Variants in GPM6A observed in about 807,000 individuals in gnomAD.
The protein encoded by GPM6A is neuronal membrane glycoprotein M6-a.
In GPM6A, 7 loss-of-function variants were observed where a neutral mutation model predicts 32.1. The ratio of observed to expected loss-of-function variants is 0.22; its 90% CI spans 0.12 to 0.41. GPM6A has a LOEUF of 0.41. Among genes scored for constraint, GPM6A ranks in the 10% least tolerant of loss-of-function variants. The pLI is 1.00. For synonymous variants in GPM6A, 130 were observed against 123.4 expected (o/e 1.05, Z -0.35); for missense variants, 235 against 347.2 (o/e 0.68, Z 2.57).
At chr4:175,985,496 C>G (rs892776418) in intron 1 of GPM6A, among the ~76,000 whole-genome samples, 1 of 152,128 alleles carries the variant, frequency 6.6e-6, no homozygotes, top group African/African-American at 2.4e-5. Flanking sequence ...TAGACAAGTG[C>G]ATTGTCTTGA....
chr4:175,944,764 G>T (rs1221629497), intron 1 of GPM6A, among the ~76,000 whole-genome samples: 2 of 152,140 alleles, frequency 1.3e-5, no homozygotes, highest in Non-Finnish European at 2.9e-5. Flanking sequence ...ACTCTTAGTG[G>T]CATGGACGAC....
rs533977073 is a variant in GPM6A at position 175,674,489 on chromosome 4, T to C, written c.231-653A>G. ...ACTCCTGGCCTATTCATTTGTTAAG[T>C]AGGGTAATTATCATATGATTTCTCT... is the stretch of plus-strand genomic sequence containing the variant. On this transcript the variant is annotated intron_variant, in intron 2 of 6. Coordinates refer to ENST00000393658, the MANE Select transcript of GPM6A (RefSeq NM_201591.3). Among the ~76,000 whole-genome samples, 5 of 152,294 alleles carry C rather than the reference T, an allele frequency of 3.3e-5. No individual in the cohort carries two copies. In the South Asian group the frequency reaches 6.2e-4, roughly 19 times the overall value.
intron 1 of GPM6A, among the ~76,000 whole-genome samples, chr4:175,892,545 T>C (rs184820115): frequency 1.5e-3 from 236 of 152,320 alleles, no homozygotes; most frequent in African/African-American, 5.4e-3. Flanking sequence ...CATTCCTTTA[T>C]TCAATAAATA....
chr4:175,663,990 C>G (rs943946708), intron 3 of GPM6A, among the ~76,000 whole-genome samples: 1 of 152,056 alleles, frequency 6.6e-6, no homozygotes, highest in African/African-American at 2.4e-5. Flanking sequence ...CCGTGCCCAG[C>G]CAAAATATAA....
intron 1 of GPM6A, among the ~76,000 whole-genome samples, chr4:175,741,194 C>T (rs1051434598): frequency 3.9e-5 from 6 of 152,002 alleles, no homozygotes; most frequent in South Asian, 2.1e-4. Flanking sequence ...AATTTAGAAA[C>T]ACAATACCAC....
chr4:175,915,077 C>T (rs1245063359), intron 1 of GPM6A, among the ~76,000 whole-genome samples: 1 of 151,930 alleles, frequency 6.6e-6, no homozygotes, highest in African/African-American at 2.4e-5. Context: ...GAGAAAAATA[C>T]ACAAAATAAA....
chr4:175,871,945 C>G (rs1736923286), intron 1 of GPM6A, among the ~76,000 whole-genome samples: 1 of 152,096 alleles, frequency 6.6e-6, no homozygotes, highest in Admixed American at 6.6e-5. Flanking sequence ...ATTTTTATCT[C>G]TGACATATGC....
intron 1 of GPM6A, among the ~76,000 whole-genome samples, chr4:175,807,896 G>A (rs930055390): frequency 1.3e-5 from 2 of 152,138 alleles, no homozygotes; most frequent in African/African-American, 2.4e-5. Context: ...TATTTACTAC[G>A]ATGTGACTTT....
At chr4:175,899,299 C>T (rs1452081482) in intron 1 of GPM6A, among the ~76,000 whole-genome samples, 1 of 151,884 alleles carries the variant, frequency 6.6e-6, no homozygotes, top group Non-Finnish European at 1.5e-5. Flanking sequence ...TTAAATAGTA[C>T]AAAACAATTT....
chr4:175,784,660 T>C (rs115439199), intron 1 of GPM6A, among the ~76,000 whole-genome samples: 10,507 of 152,214 alleles, frequency 0.069, 408 homozygotes, highest in Non-Finnish European at 0.081. Flanking sequence ...CAAAAACAAA[T>C]TATGATGATT....
intron 1 of GPM6A, among the ~76,000 whole-genome samples, chr4:175,834,598 A>G (rs1735709105): frequency 6.6e-6 from 1 of 152,158 alleles, no homozygotes; most frequent in South Asian, 2.1e-4. Context: ...AACGGATTAA[A>G]CTATCAGCAT....
chr4:175,645,035 T>C (rs916316314), intron 4 of GPM6A, among the ~76,000 whole-genome samples: 3 of 151,842 alleles, frequency 2.0e-5, no homozygotes, highest in African/African-American at 7.3e-5. Context: ...GGGAGGTGGA[T>C]GTTGCAGTGA....
chr4:175,715,660 GCTTT>G (rs1745801133), intron 1 of GPM6A, among the ~76,000 whole-genome samples: 1 of 151,378 alleles, frequency 6.6e-6, no homozygotes, highest in Non-Finnish European at 1.5e-5. Flanking sequence ...CCAAATGACT[GCTTT>G]CTTTTTTTCC....
intron 4 of GPM6A, among the ~76,000 whole-genome samples, chr4:175,650,004 C>T (rs2333253): frequency 0.99 from 151,117 of 152,266 alleles, 74,991 homozygotes; most frequent in Middle Eastern, 1. Context: ...GAGCCACGGC[C>T]TTCTAAGCAG....
intron 4 of GPM6A, among the ~76,000 whole-genome samples, chr4:175,650,931 T>G (rs1323636379): frequency 6.6e-6 from 1 of 152,190 alleles, no homozygotes; most frequent in Non-Finnish European, 1.5e-5. Context: ...ATGTCTTTTA[T>G]AAATTCTGTA....
chr4:175,644,145 A>G (rs1435115230), intron 4 of GPM6A, among the ~76,000 whole-genome samples: 10 of 102,620 alleles, frequency 9.7e-5, no homozygotes, highest in African/African-American at 3.7e-4. Flanking sequence ...TTTTTTTGAG[A>G]TGGAGTCTCG....
intron 1 of GPM6A, among the ~76,000 whole-genome samples, chr4:175,744,669 C>A (rs987360256): frequency 6.6e-6 from 1 of 152,102 alleles, no homozygotes; most frequent in Non-Finnish European, 1.5e-5. Context: ...CAGTCCCTGG[C>A]ACATACCGTG....
chr4:175,860,834 C>G (rs998709427), intron 1 of GPM6A, among the ~76,000 whole-genome samples: 10 of 152,022 alleles, frequency 6.6e-5, no homozygotes, highest in Admixed American at 3.9e-4. Flanking sequence ...ATTTTTTGGC[C>G]ATGAGTATTT....
chr4:175,810,607 C>A (rs1375173846), intron 1 of GPM6A, among the ~76,000 whole-genome samples: 1 of 152,218 alleles, frequency 6.6e-6, no homozygotes, highest in East Asian at 1.9e-4. Context: ...CACATTCAAC[C>A]TGTTACCACA....
Sources: gnomAD v4.1 joint callset for allele counts (sites outside exome capture counted in the v4.1 genomes callset) on GRCh38, gnomAD v4.1.1 for gene constraint, MANE v1.5 for transcripts, NCBI Gene and HGNC (gene_info 2026-07-23, HGNC 2026-07-21) for gene names.